PPARGC1B: variants seen among roughly 807,000 people sequenced by gnomAD.
PPARGC1B encodes the protein peroxisome proliferator-activated receptor gamma coactivator 1-beta.
In PPARGC1B, 34 loss-of-function variants were observed where a neutral mutation model predicts 101.6. The ratio of observed to expected loss-of-function variants is 0.33; its 90% CI spans 0.25 to 0.45. The LOEUF is 0.45. PPARGC1B is among the 20% of genes least tolerant of loss of function. The probability of loss-of-function intolerance (pLI) is 1.00; values close to 1 mark genes in which losing one functional copy is unlikely to be tolerated. For synonymous variants in PPARGC1B, 548 were observed against 539.3 expected (o/e 1.02, Z -0.22); for missense variants, 1,234 against 1,317.6 (o/e 0.94, Z 0.98).
intron 1 of PPARGC1B, among the ~76,000 whole-genome samples, chr5:149,742,347 C>A (rs1754941555): frequency 6.6e-6 from 1 of 152,190 alleles, no homozygotes; most frequent in African/African-American, 2.4e-5. Context: ...CCTGTAGTTC[C>A]CCCTCTCAGA....
intron 1 of PPARGC1B, among the ~76,000 whole-genome samples, chr5:149,809,477 CATAG>C (rs70973546): frequency 0.2 from 11,135 of 54,586 alleles, 1,862 homozygotes; most frequent in African/African-American, 0.26. Context: ...CCATCTCTAC[CATAG>C]ATAGATAGAT....
intron 3 of PPARGC1B, among the ~76,000 whole-genome samples, chr5:149,830,030 CAAAAAAAAAAAAAAAAAAAAAAAAGAAA>C (rs1324212795): frequency 2.9e-5 from 1 of 34,264 alleles, no homozygotes; most frequent in Non-Finnish European, 5.7e-5. Context: ...GACTGCATCT[CAAAAAAAAAAAAAAAAAAAAAAAAGAAA>C]AAAAAAAAAA....
chr5:149,738,353 G>A (rs754665159), intron 1 of PPARGC1B, among the ~76,000 whole-genome samples: 1 of 152,194 alleles, frequency 6.6e-6, no homozygotes, highest in African/African-American at 2.4e-5. Context: ...GAATAGATCC[G>A]TGCCTGGAAC....
chr5:149,833,734 G>C lies in PPARGC1B; in HGVS notation c.1661G>C (p.Gly554Ala). The change falls in exon 5 of 12, where the codon GGG becomes GCG. Residue 554 changes from glycine to alanine, a missense_variant. Gly to Ala is a moderately conservative substitution (Grantham distance 60). This residue lies in a region of PPARGC1B where 734 missense variants were observed against 768.4 expected (regional missense o/e 0.96). Transcript: ENST00000309241. The surrounding 1 kb of genome is among the most constrained non-coding windows in gnomAD (Gnocchi z 4.1). ...ALESPCESGCGDMDEDPSCPQ... is the reference protein window; with the variant it reads ...ALESPCESGCADMDEDPSCPQ... Reference sequence around the variant, plus strand: ...GAGAGCCCCTGTGAGAGTGGGTGTGGGGACATGGATGAGGACCCCAGCTGC... The same window carrying C: ...GAGAGCCCCTGTGAGAGTGGGTGTGCGGACATGGATGAGGACCCCAGCTGC... 1 of 1,582,208 alleles carries C rather than the reference G, an allele frequency of 6.3e-7. No individual in the cohort carries two copies. Among genetic ancestry groups the C allele is most frequent in the Non-Finnish European group, 8.6e-7 (1 of 1,167,626 alleles).
At chr5:149,825,250 A>G (rs910145020) in intron 2 of PPARGC1B, among the ~76,000 whole-genome samples, 2 of 152,250 alleles carry the variant, frequency 1.3e-5, no homozygotes, top group Admixed American at 6.5e-5. Flanking sequence ...TTGCTGTCCA[A>G]GTCCTGGCTT....
Position 149,730,524 on chromosome 5 carries a change from A to T in PPARGC1B, c.78+104A>T. 1.1e-6 allele frequency: 1 copy of T among 891,938 alleles called. No homozygotes were observed. Among genetic ancestry groups the T allele is most frequent in the Non-Finnish European group, 1.6e-6 (1 of 611,268 alleles). 55.3% of individuals were successfully genotyped at this position (891,938 alleles called of 1,614,324 possible). ...GAGGCAGCGGTGGGAGCCCTGGGGT[A>T]ACTGGGGGTTCCAGGCTGCAGAGCC... On this transcript the variant is annotated intron_variant, in intron 1 of 11. Coordinates refer to ENST00000309241, the MANE Select transcript of PPARGC1B (RefSeq NM_133263.4). The surrounding 1 kb of genome is among the most constrained non-coding windows in gnomAD (Gnocchi z 4.0).
chr5:149,808,489 T>C (rs545849359), intron 1 of PPARGC1B, among the ~76,000 whole-genome samples: 1 of 152,262 alleles, frequency 6.6e-6, no homozygotes, highest in African/African-American at 2.4e-5. Flanking sequence ...ATGGTGAGTG[T>C]TGATGTCAGG....
chr5:149,738,076 T>A (rs1754789832), intron 1 of PPARGC1B, among the ~76,000 whole-genome samples: 1 of 152,220 alleles, frequency 6.6e-6, no homozygotes, highest in African/African-American at 2.4e-5. Context: ...TGGCACAGAA[T>A]AAGCACCAAA....
chr5:149,797,992 G>T (rs969185704), intron 1 of PPARGC1B, among the ~76,000 whole-genome samples: 2 of 152,008 alleles, frequency 1.3e-5, no homozygotes, highest in Non-Finnish European at 2.9e-5. Context: ...AAGTTTATAG[G>T]CTTCATCAGA....
intron 1 of PPARGC1B, among the ~76,000 whole-genome samples, chr5:149,737,978 A>G (rs1754786670): frequency 6.6e-6 from 1 of 152,050 alleles, no homozygotes; most frequent in African/African-American, 2.4e-5. Context: ...TGGGTGACAG[A>G]GTGAGACTCT....
At chr5:149,795,673 G>A (rs190754970) in intron 1 of PPARGC1B, among the ~76,000 whole-genome samples, 9 of 152,292 alleles carry the variant, frequency 5.9e-5, no homozygotes, top group African/African-American at 2.2e-4. Flanking sequence ...GCTTCTGAGC[G>A]GGATGAGGTC....
chr5:149,798,492 C>T (rs1191629515), intron 1 of PPARGC1B, among the ~76,000 whole-genome samples: 1 of 152,194 alleles, frequency 6.6e-6, no homozygotes, highest in African/African-American at 2.4e-5. Flanking sequence ...TCTTGCCACT[C>T]CAGGTATGTG....
In PPARGC1B at chr5:149,852,133, C is replaced by A. The variant is rs1473633795; in HGVS notation, c.*4575C>A. ...TGTTGGAAGCCCTTGAAACAGGGAG[C>A]CATGGGTTTAGATCTTGGTACCTAC... On this transcript the variant is annotated 3_prime_UTR_variant, in exon 12 of 12. Transcript: ENST00000309241. 1 of 152,144 alleles carries A rather than the reference C, an allele frequency of 6.6e-6. No individual in the cohort carries two copies. The highest frequency in any genetic ancestry group is 1.9e-4 in the East Asian group (1 of 5,186). 9.4% of individuals were successfully genotyped at this position (152,144 alleles called of 1,614,324 possible). A position where few individuals can be genotyped will look rare whatever the true frequency, so the allele number is the denominator to read the frequency against.
intron 1 of PPARGC1B, among the ~76,000 whole-genome samples, chr5:149,793,384 C>T (rs562858981): frequency 5.9e-5 from 9 of 152,270 alleles, no homozygotes; most frequent in Admixed American, 4.6e-4. Flanking sequence ...TTCCCCAGAG[C>T]ATCCTCTGTC....
At chr5:149,829,147 T>G (rs1366180757) in intron 3 of PPARGC1B, among the ~76,000 whole-genome samples, 2 of 152,194 alleles carry the variant, frequency 1.3e-5, no homozygotes, top group Admixed American at 6.5e-5. Context: ...GATGGACTTG[T>G]AAGGACCTGT....
chr5:149,787,402 C>A (rs1349852032), intron 1 of PPARGC1B, among the ~76,000 whole-genome samples: 1 of 152,218 alleles, frequency 6.6e-6, no homozygotes, highest in Non-Finnish European at 1.5e-5. Flanking sequence ...AGGATAAAAA[C>A]CCCTTGTGCC....
At chr5:149,765,508 G>A (rs879416153) in intron 1 of PPARGC1B, among the ~76,000 whole-genome samples, 3 of 152,160 alleles carry the variant, frequency 2.0e-5, no homozygotes, top group Non-Finnish European at 4.4e-5. Flanking sequence ...GTCGATGGCT[G>A]TAAAAGTTGC....
chr5:149,853,581 G>A lies in PPARGC1B; in HGVS notation c.*6023G>A, dbSNP rs1191913296. The A allele has an allele frequency of 6.6e-6, 1 of 152,238 alleles. No homozygotes were observed. Among genetic ancestry groups the A allele is most frequent in the Non-Finnish European group, 1.5e-5 (1 of 68,038 alleles). 9.4% of individuals were successfully genotyped at this position (152,238 alleles called of 1,614,324 possible). A position where few individuals can be genotyped will look rare whatever the true frequency, so the allele number is the denominator to read the frequency against. ...AGGCAAGATAAGAAGTTGGGTGTAA[G>A]GATTTTGTGGGGGGCCTGGCCATGA... On this transcript the variant is annotated 3_prime_UTR_variant, in exon 12 of 12. Transcript: ENST00000309241. This position sits in a 1 kb window ranked among gnomAD's most constrained non-coding sequence, Gnocchi z 4.2.
intron 3 of PPARGC1B, among the ~76,000 whole-genome samples, chr5:149,830,276 A>G (rs1366105373): frequency 6.6e-6 from 1 of 151,176 alleles, no homozygotes; most frequent in East Asian, 1.9e-4. Flanking sequence ...TACAAGTATT[A>G]CCTTGCTTAA....
Sources: gnomAD v4.1 joint callset for allele counts (sites outside exome capture counted in the v4.1 genomes callset) on GRCh38, gnomAD v4.1.1 for gene constraint, gnomAD v4.1.1 regional missense constraint, Gnocchi (gnomAD v3.1) non-coding constraint, MANE v1.5 for transcripts, NCBI Gene and HGNC (gene_info 2026-07-23, HGNC 2026-07-21) for gene names.